Variants in CLN6 observed in about 807,000 individuals in gnomAD.
CLN6 encodes CLN6 transmembrane ER protein.
CLN6 carries 22 observed loss-of-function variants against 33.3 expected under a neutral mutation model. The observed-to-expected ratio is 0.66, with a 90% CI of 0.47 to 0.94. The LOEUF is 0.94. CLN6 is among the 40% of genes least tolerant of loss of function. The pLI is 0.00. For missense variants in CLN6, 387 were observed against 417.1 expected (o/e 0.93, Z 0.63); for synonymous variants, 201 against 174.6 (o/e 1.15, Z -1.19).
chr15:68,208,335 G>A lies in CLN6; in HGVS notation c.741C>T (p.His247=), dbSNP rs140653271. The change falls in exon 7 of 7, where the codon CAC becomes CAT. Residue 247 remains histidine, a synonymous_variant. Coordinates refer to ENST00000249806, the MANE Select transcript of CLN6 (RefSeq NM_017882.3). The surrounding 1 kb of genome is among the most constrained non-coding windows in gnomAD (Gnocchi z 5.8). ...CCAGGAAGAGGCGCTTGCGCTTCTG[G>A]TGCAGGACGAGGGCCAGCATGGCGA... The part of the protein sequence containing the change: ...TFFAMLALVL[H]QKRKRLFLDS... 3.1e-5 allele frequency: 50 copies of A among 1,614,080 alleles called. No individual in the cohort carries two copies. In the African/African-American group the frequency reaches 6.1e-4, roughly 20 times the overall value.
chr15:68,253,265 G>A (rs1554223), intron 1 of CLN6, among the ~76,000 whole-genome samples: 72,667 of 152,042 alleles, frequency 0.48, 18,202 homozygotes, highest in Non-Finnish European at 0.56. Flanking sequence ...CACAACCACA[G>A]CATCTCAGGC....
intron 1 of CLN6, chr15:68,254,473 G>C (rs986647722): frequency 6.3e-6 from 2 of 317,228 alleles, no homozygotes; most frequent in East Asian, 1.5e-4. Context: ...TGAAGACTTA[G>C]TATGAAAAAA....
chr15:68,209,519 G>T lies in CLN6; in HGVS notation c.665+118C>A. ...CCACTAGACACAAGAAGAAGCACGG[G>T]CCCAAAGAGGGCCAGTCTCCCTGGG... On this transcript the variant is annotated intron_variant, in intron 6 of 6. Coordinates refer to ENST00000249806, the MANE Select transcript of CLN6 (RefSeq NM_017882.3). The surrounding 1 kb of genome is among the most constrained non-coding windows in gnomAD (Gnocchi z 4.9). 1 of 1,397,486 alleles carries T rather than the reference G, an allele frequency of 7.2e-7. No homozygotes were observed. Among genetic ancestry groups the T allele is most frequent in the South Asian group, 1.2e-5 (1 of 86,378 alleles). The allele number at this position is 1,397,486 out of a possible 1,614,324, so 86.6% of individuals were successfully genotyped here. A position where few individuals can be genotyped will look rare whatever the true frequency, so the allele number is the denominator to read the frequency against.
intron 1 of CLN6, among the ~76,000 whole-genome samples, chr15:68,240,588 G>A (rs1032754533): frequency 2.0e-5 from 3 of 152,028 alleles, no homozygotes; most frequent in Non-Finnish European, 4.4e-5. Flanking sequence ...GCAACAGAGC[G>A]AGACTCTGTC....
intron 1 of CLN6, among the ~76,000 whole-genome samples, chr15:68,240,722 G>A (rs1284854550): frequency 6.6e-6 from 1 of 151,546 alleles, no homozygotes; most frequent in Non-Finnish European, 1.5e-5. Flanking sequence ...GGTGGCTCAC[G>A]GCTGTAATCC....
Position 68,246,175 on chromosome 15 carries a change from A to G in CLN6, c.179+10515T>C, listed in dbSNP as rs888345284. Among the ~76,000 whole-genome samples, 3 of 152,148 alleles carry G rather than the reference A, an allele frequency of 2.0e-5. No homozygotes were observed. Among genetic ancestry groups the G allele is most frequent in the African/African-American group, 7.2e-5 (3 of 41,394 alleles). On this transcript the variant is annotated intron_variant, in intron 1 of 6. Transcript: ENST00000538696. This position sits in a 1 kb window ranked among gnomAD's most constrained non-coding sequence, Gnocchi z 4.5. ...AACAGATCATCCAGACAGAAAATCA[A>G]CAAAGAAGCATCAGAATTGAACTAC...
At chr15:68,221,861 C>A (rs1394441767) in intron 1 of CLN6, among the ~76,000 whole-genome samples, 1 of 148,670 alleles carries the variant, frequency 6.7e-6, no homozygotes, top group East Asian at 2.0e-4. Context: ...AAGTGAGGAG[C>A]GCCTCTGCCT....
chr15:68,225,381 C>T (rs191049217), intron 1 of CLN6, among the ~76,000 whole-genome samples: 1 of 152,290 alleles, frequency 6.6e-6, no homozygotes, highest in African/African-American at 2.4e-5. Context: ...GGTTTTAAAG[C>T]AGCAGATAAT....
At chr15:68,245,768 G>C (rs1892324300) in intron 1 of CLN6, among the ~76,000 whole-genome samples, 1 of 151,872 alleles carries the variant, frequency 6.6e-6, no homozygotes, top group Non-Finnish European at 1.5e-5. Flanking sequence ...CTATATGCTG[G>C]GTGATATTAA....
chr15:68,254,171 G>A (rs1167741173), intron 1 of CLN6, among the ~76,000 whole-genome samples: 1 of 152,230 alleles, frequency 6.6e-6, no homozygotes, highest in Middle Eastern at 3.4e-3. Flanking sequence ...GAGCCACCGC[G>A]CCCGGCCAAA....
intron 1 of CLN6, among the ~76,000 whole-genome samples, chr15:68,244,588 C>T (rs1293290106): frequency 6.6e-6 from 1 of 152,038 alleles, no homozygotes; most frequent in African/African-American, 2.4e-5. Context: ...AAGAAAAAAA[C>T]ACTAATGTGC....
At position 68,228,206 on chromosome 15, in the gene CLN6, T is replaced by C. The variant is rs2141154959; in HGVS notation, c.83+1296A>G. On this transcript the variant is annotated intron_variant, in intron 1 of 6. Transcript: ENST00000249806. This position sits in a 1 kb window ranked among gnomAD's most constrained non-coding sequence, Gnocchi z 4.4. ...ACAGTCCGCAGCTGCTCAGCCCGCA[T>C]GTCCGCAGCAGCAGAAACGAGCCAT... Among the ~76,000 whole-genome samples the C allele has an allele frequency of 6.6e-6, 1 of 152,304 alleles. No individual in the cohort carries two copies. The highest frequency in any genetic ancestry group is 3.4e-3 in the Middle Eastern group (1 of 294).
At position 68,246,282 on chromosome 15, in the gene CLN6, C is replaced by T. The variant is rs533456913; in HGVS notation, c.179+10408G>A. ...AGAATACACATTGTTTTCATAAACA[C>T]ATGTAACATTCTCCAAAATAGACTA... On this transcript the variant is annotated intron_variant, in intron 1 of 6. Transcript: ENST00000538696. This position sits in a 1 kb window ranked among gnomAD's most constrained non-coding sequence, Gnocchi z 4.5. Among the ~76,000 whole-genome samples the T allele has an allele frequency of 3.3e-5, 5 of 152,244 alleles. No homozygotes were observed. The highest frequency in any genetic ancestry group is 3.4e-3 in the Middle Eastern group (1 of 294).
At position 68,220,300 on chromosome 15, in the gene CLN6, C is replaced by T. The variant is rs1035182651; in HGVS notation, c.84-1650G>A. ...CTATCTCATCTAATCCACGCATCTGCTTTACAGATGAGGATACTGAGGCTT... is the reference window on the plus strand; with the variant it reads ...CTATCTCATCTAATCCACGCATCTGTTTTACAGATGAGGATACTGAGGCTT... On this transcript the variant is annotated intron_variant, in intron 1 of 6. Transcript: ENST00000249806. The surrounding 1 kb of genome is among the most constrained non-coding windows in gnomAD (Gnocchi z 4.2). Among the ~76,000 whole-genome samples, 4 of 152,236 alleles carry T rather than the reference C, an allele frequency of 2.6e-5. No individual in the cohort carries two copies. The highest frequency in any genetic ancestry group is 2.6e-4 in the Admixed American group (4 of 15,290).
upstream of CLN6, among the ~76,000 whole-genome samples, chr15:68,233,308 TG>T (rs372532867): frequency 4.5e-3 from 146 of 32,736 alleles, no homozygotes; most frequent in African/African-American, 6.9e-3. This position sits in a 1 kb window ranked among gnomAD's most constrained non-coding sequence, Gnocchi z 4.3. Context: ...TACGGGGGGG[TG>T]GGGGGGGTGG....
At chr15:68,218,460 A>C in intron 2 of CLN6, 76 bp downstream of exon 2, 1 of 1,046,940 alleles carries the variant, frequency 9.6e-7, no homozygotes, top group Admixed American at 1.7e-5. Context: ...GACTTGTCTA[A>C]GGTCACTCGG....
At chr15:68,223,000 G>C (rs2093242165) in intron 1 of CLN6, among the ~76,000 whole-genome samples, 1 of 152,094 alleles carries the variant, frequency 6.6e-6, no homozygotes, top group African/African-American at 2.4e-5. Context: ...GAAGGCTGCA[G>C]GGTCCTCTGC....
upstream of CLN6, among the ~76,000 whole-genome samples, chr15:68,233,629 C>T (rs1242206657): frequency 6.6e-6 from 1 of 152,234 alleles, no homozygotes; most frequent in Non-Finnish European, 1.5e-5. The surrounding 1 kb of genome is among the most constrained non-coding windows in gnomAD (Gnocchi z 4.3). Flanking sequence ...TTGAAGGCCC[C>T]TGCTAGACTG....
At chr15:68,235,590 A>AAATAAT (rs1892212433) in intron 1 of CLN6, among the ~76,000 whole-genome samples, 1 of 102,502 alleles carries the variant, frequency 9.8e-6, no homozygotes, top group African/African-American at 4.3e-5. Flanking sequence ...AAAAATAAAT[A>AAATAAT]TATATATATA....
Sources: gnomAD v4.1 joint callset for allele counts (sites outside exome capture counted in the v4.1 genomes callset) on GRCh38, gnomAD v4.1.1 for gene constraint, Gnocchi (gnomAD v3.1) non-coding constraint, MANE v1.5 for transcripts, NCBI Gene and HGNC (gene_info 2026-07-23, HGNC 2026-07-21) for gene names.